Variants in CACNA2D3 observed in about 807,000 individuals in gnomAD.
CACNA2D3 encodes the protein voltage-dependent calcium channel subunit alpha-2/delta-3.
CACNA2D3 carries 60 observed loss-of-function variants against 160.6 expected under a neutral mutation model. That is an observed-to-expected ratio of 0.37 (90% CI 0.30 to 0.46). CACNA2D3 has a LOEUF of 0.46. Among genes scored for constraint, CACNA2D3 ranks in the 20% least tolerant of loss-of-function variants. CACNA2D3 has a pLI of 1.00. For synonymous variants in CACNA2D3, 558 were observed against 492.9 expected, an observed-to-expected ratio of 1.13 and a Z score of -1.75; for missense variants, 1,205 against 1,365.0, an observed-to-expected ratio of 0.88 and a Z score of 1.85.
chr3:54,353,219 CAA>C (rs1254048175), intron 3 of CACNA2D3, among the ~76,000 whole-genome samples: 1 of 152,182 alleles, frequency 6.6e-6, no homozygotes, highest in Non-Finnish European at 1.5e-5. Context: ...GCTATTCCCT[CAA>C]AGTCAGAAAT....
At chr3:54,347,891 C>T (rs1218143102) in intron 3 of CACNA2D3, among the ~76,000 whole-genome samples, 2 of 152,120 alleles carry the variant, frequency 1.3e-5, no homozygotes, top group Admixed American at 6.5e-5. Context: ...TCCCATGGGG[C>T]TTGGTACACT....
intron 2 of CACNA2D3, among the ~76,000 whole-genome samples, chr3:54,160,696 C>T (rs76565503): frequency 0.026 from 3,969 of 152,236 alleles, 246 homozygotes; most frequent in East Asian, 0.2. Context: ...AGACCTCTCT[C>T]CAATTTCTTT....
At chr3:54,489,640 AACTCAGTGTGCTGGAGTTAAAC>A (rs1393753624) in intron 4 of CACNA2D3, among the ~76,000 whole-genome samples, 2 of 152,172 alleles carry the variant, frequency 1.3e-5, no homozygotes, top group African/African-American at 4.8e-5. Context: ...CTGGGGTTGG[AACTCAGTGTGCTGGAGTTAAAC>A]ACTTCACTCC....
intron 35 of CACNA2D3, among the ~76,000 whole-genome samples, chr3:55,069,929 T>A (rs776497679): frequency 2.6e-5 from 4 of 152,260 alleles, no homozygotes; most frequent in Non-Finnish European, 5.9e-5. Flanking sequence ...AATTTCTTGA[T>A]CATGAGTGCC....
At chr3:54,879,233 A>G (rs529222419) in intron 19 of CACNA2D3, 117 bp from the exon 20 acceptor site, 5 of 862,752 alleles carry the variant, frequency 5.8e-6, no homozygotes, top group South Asian at 1.7e-5. Flanking sequence ...AGATTCATGT[A>G]GTACTGTTAA....
At chr3:54,234,434 T>G (rs1701836454) in intron 2 of CACNA2D3, among the ~76,000 whole-genome samples, 1 of 152,210 alleles carries the variant, frequency 6.6e-6, no homozygotes, top group Non-Finnish European at 1.5e-5. Flanking sequence ...TCAACTATTG[T>G]GGAAAGCAGT....
At chr3:54,152,058 T>C (rs1700161905) in intron 2 of CACNA2D3, among the ~76,000 whole-genome samples, 1 of 152,232 alleles carries the variant, frequency 6.6e-6, no homozygotes, top group Non-Finnish European at 1.5e-5. Flanking sequence ...ATGATCCCGG[T>C]CTACACCATT....
chr3:54,127,744 C>T (rs1206123178), intron 2 of CACNA2D3, among the ~76,000 whole-genome samples: 16 of 152,146 alleles, frequency 1.1e-4, no homozygotes, highest in Non-Finnish European at 2.2e-4. Context: ...AGTTTTTAAT[C>T]ATTCAGGGCA....
chr3:54,202,283 G>T (rs769074846), intron 2 of CACNA2D3, among the ~76,000 whole-genome samples: 1 of 152,194 alleles, frequency 6.6e-6, no homozygotes, highest in Non-Finnish European at 1.5e-5. Context: ...CTTTGACCCT[G>T]CAACTCACTG....
At chr3:54,573,918 A>G (rs192612833) in intron 8 of CACNA2D3, among the ~76,000 whole-genome samples, 1 of 152,218 alleles carries the variant, frequency 6.6e-6, no homozygotes, top group African/African-American at 2.4e-5. Context: ...TTGCTCTAGT[A>G]ATATGGTGTA....
chr3:54,792,724 A>G (rs909808549), intron 13 of CACNA2D3, among the ~76,000 whole-genome samples: 11 of 152,100 alleles, frequency 7.2e-5, no homozygotes, highest in African/African-American at 1.9e-4. Context: ...CCTGGTGCCC[A>G]CACTCAGGGA....
intron 2 of CACNA2D3, among the ~76,000 whole-genome samples, chr3:54,174,589 ATC>A (rs144733425): frequency 0.26 from 38,761 of 151,902 alleles, 5,063 homozygotes; most frequent in East Asian, 0.39. Context: ...CAGTGGCGCG[ATC>A]TCAGCTCACT....
intron 4 of CACNA2D3, among the ~76,000 whole-genome samples, chr3:54,405,889 G>A (rs1194470753): frequency 6.6e-6 from 1 of 151,590 alleles, no homozygotes; most frequent in African/African-American, 2.4e-5. Flanking sequence ...ATGTGCAAAG[G>A]ACATTAGTAT....
rs1292795287 is a variant in CACNA2D3, at chr3:55,018,133, T to C, written c.2876-73T>C. The C allele has an allele frequency of 9.4e-6, 8 of 849,092 alleles. No homozygotes were observed. In the East Asian group the frequency reaches 2.1e-4, roughly 22 times the overall value. The allele number at this position is 849,092 out of a possible 1,614,324, so 52.6% of individuals were successfully genotyped here. On this transcript the variant is annotated intron_variant, in intron 34 of 37. Transcript: ENST00000474759. ...GAAGCGGAACTGTGTTCTGGGTTGC[T>C]GTGGGCTGCCAGTCACAATTTTGAG...
chr3:54,221,420 A>G (rs191934639), intron 2 of CACNA2D3, among the ~76,000 whole-genome samples: 36 of 152,336 alleles, frequency 2.4e-4, no homozygotes, highest in Admixed American at 6.5e-4. Flanking sequence ...AATTATTTTC[A>G]CTAGGTACTG....
chr3:54,625,751 C>T (rs1268134260), intron 9 of CACNA2D3, among the ~76,000 whole-genome samples: 1 of 152,214 alleles, frequency 6.6e-6, no homozygotes, highest in Non-Finnish European at 1.5e-5. Context: ...AGCAAATCTT[C>T]TGCCCAGCTC....
At chr3:54,387,185 A>G (rs904258398) in intron 4 of CACNA2D3, among the ~76,000 whole-genome samples, 1 of 152,240 alleles carries the variant, frequency 6.6e-6, no homozygotes, top group South Asian at 2.1e-4. Context: ...TTGATTGTTA[A>G]TAACATTTAA....
intron 11 of CACNA2D3, among the ~76,000 whole-genome samples, chr3:54,726,176 A>T (rs529305461): frequency 2.0e-3 from 298 of 152,282 alleles, no homozygotes; most frequent in African/African-American, 6.5e-3. Flanking sequence ...TACTAAGAGA[A>T]TAAAATACTC....
intron 4 of CACNA2D3, among the ~76,000 whole-genome samples, chr3:54,480,853 T>G (rs1333626038): frequency 6.6e-6 from 1 of 152,128 alleles, no homozygotes; most frequent in African/African-American, 2.4e-5. Flanking sequence ...GGAAATTCCT[T>G]TGTGACAGAT....
Sources: allele counts gnomAD v4.1 joint callset (sites outside exome capture counted in the v4.1 genomes callset), GRCh38; gene constraint gnomAD v4.1.1; transcripts MANE v1.5; gene names NCBI Gene and HGNC (gene_info 2026-07-23, HGNC 2026-07-21).